The following PUS10 variants were observed in gnomAD, a reference collection of about 807,000 sequenced individuals.
PUS10 encodes the protein tRNA pseudouridine synthase Pus10.
PUS10 carries 59 observed loss-of-function variants against 75.0 expected under a neutral mutation model. The observed-to-expected ratio is 0.79, with a 90% CI of 0.64 to 0.98. The LOEUF (loss-of-function observed/expected upper bound fraction) is 0.98. Ranked by LOEUF, PUS10 falls within the 50% of genes least tolerant of loss-of-function variation. The pLI is 0.00. For synonymous variants in PUS10, 219 were observed against 211.6 expected, an observed-to-expected ratio of 1.03 and a Z score of -0.30; for missense variants, 650 against 614.4, an observed-to-expected ratio of 1.06 and a Z score of -0.61.
chr2:60,980,208 T>C (rs1025534085), intron 4 of PUS10, among the ~76,000 whole-genome samples: 8 of 152,216 alleles, frequency 5.3e-5, no homozygotes, highest in Admixed American at 1.3e-4. Context: ...GAATTTCAGG[T>C]AACTCTAGAG....
intron 11 of PUS10, among the ~76,000 whole-genome samples, chr2:60,957,965 C>T (rs577524351): frequency 4.6e-5 from 7 of 152,364 alleles, no homozygotes; most frequent in South Asian, 2.1e-4. Flanking sequence ...TTGCTTGGCT[C>T]GGAGCCACTA....
chr2:60,945,378 G>A (rs1674882065), intron 16 of PUS10, among the ~76,000 whole-genome samples: 1 of 152,154 alleles, frequency 6.6e-6, no homozygotes, highest in Non-Finnish European at 1.5e-5. Flanking sequence ...AAGTGCCAAG[G>A]TTTGGATGTG....
chr2:60,981,436 C>A (rs1474099634), intron 4 of PUS10, among the ~76,000 whole-genome samples: 1 of 151,604 alleles, frequency 6.6e-6, no homozygotes, highest in African/African-American at 2.4e-5. Context: ...GTGCCCGCCA[C>A]CACATCTAGC....
At chr2:60,995,593 C>T (rs563056366) in intron 4 of PUS10, among the ~76,000 whole-genome samples, 10 of 152,206 alleles carry the variant, frequency 6.6e-5, no homozygotes, top group South Asian at 2.1e-4. Context: ...AACTTAACTA[C>T]GCCACACGGT....
At chr2:60,963,435 T>C (rs1676155358) in intron 8 of PUS10, among the ~76,000 whole-genome samples, 1 of 152,218 alleles carries the variant, frequency 6.6e-6, no homozygotes, top group African/African-American at 2.4e-5. Flanking sequence ...TCCACTGTAC[T>C]GAACAGAAGG....
Position 60,942,100 on chromosome 2 carries a change from C to T in PUS10, c.*295G>A. On this transcript the variant is annotated 3_prime_UTR_variant, in exon 18 of 18. Transcript: ENST00000316752. The stretch of plus-strand genomic sequence containing the variant: ...TAACAGAGAATGTGTCCTGTTTGTG[C>T]ACCTCTCTAAATGAAAGAATTAAGG... 2 of 303,028 alleles carry T rather than the reference C, an allele frequency of 6.6e-6. No individual in the cohort carries two copies. Among genetic ancestry groups the T allele is most frequent in the Non-Finnish European group, 1.2e-5 (2 of 162,690 alleles). The allele number at this position is 303,028 out of a possible 1,614,324, so 18.8% of individuals were successfully genotyped here. A position where few individuals can be genotyped will look rare whatever the true frequency, so the allele number is the denominator to read the frequency against.
chr2:60,942,532 C>T, intron 17 of PUS10, 99 bp from the exon 18 acceptor site: 1 of 897,828 alleles, frequency 1.1e-6, no homozygotes, highest in Non-Finnish European at 1.8e-6. Context: ...TATAGTGCAA[C>T]AGAAGAAACT....
chr2:60,946,634 C>A (rs1002737887), intron 16 of PUS10, among the ~76,000 whole-genome samples: 1 of 152,022 alleles, frequency 6.6e-6, no homozygotes, highest in African/African-American at 2.4e-5. Context: ...TCCTTTGATC[C>A]AAATTACAAA....
chr2:60,957,579 G>A (rs145224000), intron 11 of PUS10, among the ~76,000 whole-genome samples: 4 of 152,264 alleles, frequency 2.6e-5, no homozygotes, highest in Non-Finnish European at 4.4e-5. Flanking sequence ...TGGGTCTCAC[G>A]GGAGATTAAG....
chr2:60,944,811 C>T (rs1273681384), intron 17 of PUS10, among the ~76,000 whole-genome samples, 198 bp downstream of exon 17: 1 of 151,802 alleles, frequency 6.6e-6, no homozygotes, highest in African/African-American at 2.4e-5. Flanking sequence ...TATATATTTT[C>T]AAGGAACATA....
At chr2:60,976,166 A>C (rs911086922) in intron 4 of PUS10, among the ~76,000 whole-genome samples, 16 of 152,250 alleles carry the variant, frequency 1.1e-4, no homozygotes, top group Non-Finnish European at 4.4e-5. Flanking sequence ...GTTTGTAAAG[A>C]CCCAAGTCAT....
At chr2:60,992,908 C>A (rs1678203141) in intron 4 of PUS10, among the ~76,000 whole-genome samples, 1 of 152,160 alleles carries the variant, frequency 6.6e-6, no homozygotes, top group African/African-American at 2.4e-5. Context: ...AAGTAGCTTT[C>A]AAATTATAAT....
At chr2:60,978,656 C>T (rs1316874363) in intron 4 of PUS10, among the ~76,000 whole-genome samples, 1 of 151,916 alleles carries the variant, frequency 6.6e-6, no homozygotes, top group Non-Finnish European at 1.5e-5. Flanking sequence ...CCCCTTAAGG[C>T]AATATGGTCC....
intron 4 of PUS10, among the ~76,000 whole-genome samples, chr2:60,988,016 G>A (rs184075449): frequency 1.3e-3 from 191 of 151,910 alleles, no homozygotes; most frequent in Non-Finnish European, 2.2e-3. Context: ...TTGAACCTGG[G>A]AGGAGGAGGG....
At chr2:61,000,112 CT>C (rs1678758319) in intron 4 of PUS10, among the ~76,000 whole-genome samples, 1 of 152,144 alleles carries the variant, frequency 6.6e-6, no homozygotes, top group African/African-American at 2.4e-5. Context: ...CTTAAACACC[CT>C]AATGACGTGA....
intron 4 of PUS10, among the ~76,000 whole-genome samples, chr2:60,983,658 C>G (rs1677545956): frequency 6.7e-6 from 1 of 148,738 alleles, no homozygotes; most frequent in African/African-American, 2.5e-5. Context: ...GCCTTGGCAA[C>G]AAGAGCAAAA....
At chr2:60,960,206 G>A (rs961005079) in intron 11 of PUS10, among the ~76,000 whole-genome samples, 186 bp downstream of exon 11, 2 of 149,580 alleles carry the variant, frequency 1.3e-5, no homozygotes, top group Admixed American at 1.3e-4. Context: ...AGGTCAGGTG[G>A]GGTGGCTCAT....
rs1385298667 is a variant in PUS10, at chr2:60,946,806, C to CT, written c.1451+1236dup. ...AATGGTATTTGGTGATTAAAACTTG[C>CT]TTTTTTCCCATATATATATATCTAG... On this transcript the variant is annotated intron_variant, in intron 16 of 17. Transcript: ENST00000316752. Among the ~76,000 whole-genome samples the CT allele has an allele frequency of 4.0e-5, 6 of 150,400 alleles. No individual in the cohort carries two copies. The East Asian group carries it at 1.2e-3, about 29-fold the overall frequency.
chr2:60,971,057 G>A (rs1676630879), intron 5 of PUS10, among the ~76,000 whole-genome samples: 1 of 151,850 alleles, frequency 6.6e-6, no homozygotes, highest in South Asian at 2.1e-4. Context: ...GCAGGCTCCT[G>A]TAATCCCAGT....
Sources: gnomAD v4.1 joint callset for allele counts (sites outside exome capture counted in the v4.1 genomes callset) on GRCh38, gnomAD v4.1.1 for gene constraint, MANE v1.5 for transcripts, NCBI Gene and HGNC (gene_info 2026-07-23, HGNC 2026-07-21) for gene names.